The following KYNU variants were observed in gnomAD, a reference collection of about 807,000 sequenced individuals.
KYNU encodes kynureninase.
In KYNU, 54 loss-of-function variants were observed where a neutral mutation model predicts 59.2. That is an observed-to-expected ratio of 0.91 (90% CI 0.73 to 1.14). The LOEUF is 1.14. Among genes scored for constraint, KYNU ranks in the 50% most tolerant of loss-of-function variants. The pLI is 0.00. For missense variants in KYNU, 567 were observed against 554.4 expected, an observed-to-expected ratio of 1.02 and a Z score of -0.23; for synonymous variants, 177 against 192.0, an observed-to-expected ratio of 0.92 and a Z score of 0.65.
chr2:142,986,105 A>G, intron 10 of KYNU, 84 bp downstream of exon 10: 1 of 910,274 alleles, frequency 1.1e-6, no homozygotes, highest in Non-Finnish European at 1.8e-6. Context: ...GAGTTCCTTA[A>G]GATGCTATCC....
chr2:143,017,763 C>G (rs891520916), intron 10 of KYNU, among the ~76,000 whole-genome samples: 2 of 151,938 alleles, frequency 1.3e-5, no homozygotes, highest in Admixed American at 1.3e-4. Flanking sequence ...TCATAGTAGC[C>G]ATCCTGACTG....
chr2:142,978,536 A>G (rs748008394), intron 8 of KYNU, among the ~76,000 whole-genome samples: 9 of 152,288 alleles, frequency 5.9e-5, no homozygotes, highest in African/African-American at 2.2e-4. Context: ...TTCACCTACC[A>G]TAATGATAGT....
chr2:143,032,946 G>A (rs1047316712), intron 11 of KYNU, among the ~76,000 whole-genome samples: 1 of 152,124 alleles, frequency 6.6e-6, no homozygotes, highest in East Asian at 1.9e-4. Context: ...CTTGGGAATA[G>A]GAAGGCAGAG....
intron 10 of KYNU, among the ~76,000 whole-genome samples, chr2:142,997,234 CTCT>C (rs1685570550): frequency 1.3e-5 from 2 of 152,056 alleles, no homozygotes; most frequent in African/African-American, 4.8e-5. Context: ...TCCAATTGTT[CTCT>C]AAACAAAACA....
intron 2 of KYNU, among the ~76,000 whole-genome samples, chr2:142,907,627 C>T (rs895408672): frequency 1.4e-4 from 21 of 152,194 alleles, no homozygotes; most frequent in Non-Finnish European, 2.2e-4. Context: ...TGGGAGGGGA[C>T]CCAAAGGGGG....
intron 10 of KYNU, among the ~76,000 whole-genome samples, chr2:143,027,552 T>G (rs1022057777): frequency 6.6e-6 from 1 of 152,204 alleles, no homozygotes; most frequent in African/African-American, 2.4e-5. Flanking sequence ...TTGCTCTTGG[T>G]ACATTGTCCT....
At chr2:142,979,714 G>A (rs1450744917) in intron 8 of KYNU, among the ~76,000 whole-genome samples, 1 of 152,022 alleles carries the variant, frequency 6.6e-6, no homozygotes, top group African/African-American at 2.4e-5. Flanking sequence ...CTGGGAGGCC[G>A]AGGCATAAGG....
intron 7 of KYNU, chr2:142,958,195 C>T (rs1684230527): frequency 6.3e-6 from 1 of 158,264 alleles, no homozygotes; most frequent in Non-Finnish European, 1.4e-5. Context: ...ATGGGAAGAG[C>T]TTTGGCTTTA....
chr2:142,928,075 C>T (rs935112049), intron 4 of KYNU, among the ~76,000 whole-genome samples: 10 of 151,896 alleles, frequency 6.6e-5, no homozygotes, highest in African/African-American at 2.4e-4. Context: ...AATGAATTTT[C>T]TATAATTTAA....
intron 10 of KYNU, among the ~76,000 whole-genome samples, chr2:143,014,381 G>A (rs901571047): frequency 2.0e-5 from 3 of 152,152 alleles, no homozygotes; most frequent in African/African-American, 4.8e-5. Context: ...TTCCCCAGCA[G>A]GAGCAAATTT....
At chr2:142,985,049 G>C (rs1308176365) in intron 8 of KYNU, 35 bp from the exon 9 acceptor site, 2 of 1,181,100 alleles carry the variant, frequency 1.7e-6, no homozygotes, top group South Asian at 1.2e-5. Flanking sequence ...TAATCATGAA[G>C]CAAACTTAAA....
chr2:142,944,212 A>C (rs1485601912), intron 4 of KYNU, among the ~76,000 whole-genome samples: 1 of 152,200 alleles, frequency 6.6e-6, no homozygotes, highest in Non-Finnish European at 1.5e-5. Context: ...AGAGAATTAG[A>C]GTAGGTACCT....
At chr2:142,896,112 T>C (rs1342067486) in intron 2 of KYNU, among the ~76,000 whole-genome samples, 5 of 152,208 alleles carry the variant, frequency 3.3e-5, no homozygotes, top group Non-Finnish European at 5.9e-5. Context: ...GATTTGGAAC[T>C]CAAACCACAG....
intron 2 of KYNU, among the ~76,000 whole-genome samples, chr2:142,904,105 T>G (rs1682202250): frequency 6.6e-6 from 1 of 152,352 alleles, no homozygotes; most frequent in East Asian, 1.9e-4. Flanking sequence ...TGTCTGCAGC[T>G]GACTGAGTGA....
chr2:143,040,607 T>G lies in KYNU; in HGVS notation c.1221T>G (p.Phe407Leu). Residue 407 changes from phenylalanine to leucine, a missense_variant, in exon 13 of 14, where the codon TTT becomes TTG. Physicochemically the swap from Phe to Leu is conservative, Grantham distance 22 (BLOSUM62 0). Coordinates refer to ENST00000264170, the MANE Select transcript of KYNU (RefSeq NM_003937.3). ...GGGGGTGCCAGCTAACAATAACATT[T>G]TCTGTTCCAAACAAAGATGTTTTCC... ...EERGCQLTIT[F>L]SVPNKDVFQE... 6.2e-7 allele frequency: 1 copy of G among 1,611,474 alleles called. No homozygotes were observed. Among genetic ancestry groups the G allele is most frequent in the Non-Finnish European group, 8.5e-7 (1 of 1,178,568 alleles).
Position 143,042,299 on chromosome 2 carries a change from A to G in KYNU, c.*127A>G. 1.1e-6 allele frequency: 1 copy of G among 933,928 alleles called. No individual in the cohort carries two copies. The highest frequency in any genetic ancestry group is 2.6e-5 in the East Asian group (1 of 37,738). The allele number at this position is 933,928 out of a possible 1,614,324, so 57.9% of individuals were successfully genotyped here. A position where few individuals can be genotyped will look rare whatever the true frequency, so the allele number is the denominator to read the frequency against. On this transcript the variant is annotated 3_prime_UTR_variant, in exon 14 of 14. Coordinates refer to ENST00000264170, the MANE Select transcript of KYNU (RefSeq NM_003937.3). ...ACATGTAACTAACAATAAATAATAT[A>G]CCTTACAGAAAATCTGATATAATTT...
chr2:142,961,750 G>GA (rs34205416), intron 8 of KYNU, among the ~76,000 whole-genome samples: 39,598 of 151,242 alleles, frequency 0.26, 6,480 homozygotes, highest in South Asian at 0.42. Context: ...GTATTTATTT[G>GA]AAAAAAAAGG....
At chr2:142,905,438 A>T (rs1682258897) in intron 2 of KYNU, among the ~76,000 whole-genome samples, 1 of 152,186 alleles carries the variant, frequency 6.6e-6, no homozygotes, top group African/African-American at 2.4e-5. Context: ...GAGAGGAAGC[A>T]TCTATCCTTG....
chr2:142,978,089 A>G (rs772983271), intron 8 of KYNU, among the ~76,000 whole-genome samples: 12 of 152,138 alleles, frequency 7.9e-5, no homozygotes, highest in Non-Finnish European at 1.6e-4. Context: ...TTCCATTCCC[A>G]ACTTTCTCTA....
Sources: gnomAD v4.1 joint callset for allele counts (sites outside exome capture counted in the v4.1 genomes callset) on GRCh38, gnomAD v4.1.1 for gene constraint, MANE v1.5 for transcripts, NCBI Gene and HGNC (gene_info 2026-07-23, HGNC 2026-07-21) for gene names.